Variants in FANCC observed in about 807,000 individuals in gnomAD.
FANCC encodes the protein FA complementation group C, also known as Fanconi anemia group C protein.
A neutral mutation model predicts 71.3 loss-of-function variants in FANCC; 55 were observed. The observed-to-expected ratio is 0.77, with a 90% confidence interval of 0.62 to 0.97. The LOEUF is 0.97. Ranked by LOEUF, FANCC falls within the 50% of genes least tolerant of loss-of-function variation. The pLI, the probability that FANCC is intolerant of heterozygous loss-of-function variation, is 0.00. For synonymous variants in FANCC, 275 were observed against 244.9 expected, an observed-to-expected ratio of 1.12 and a Z score of -1.15; for missense variants, 678 against 670.9, an observed-to-expected ratio of 1.01 and a Z score of -0.12.
At position 95,256,949 on chromosome 9, in the gene FANCC, A is replaced by G. The variant is rs1352967381; in HGVS notation, c.-78-7580T>C. ...CAAAAAAGACAAAGAAGGGCATTAC[A>G]TAATGGTAAAGGGATGAATACAACA... On this transcript the variant is annotated intron_variant, in intron 1 of 14. Coordinates refer to ENST00000289081, the MANE Select transcript of FANCC (RefSeq NM_000136.3). Among the ~76,000 whole-genome samples the G allele has an allele frequency of 2.6e-5, 4 of 152,216 alleles. No individual in the cohort carries two copies. The East Asian group carries it at 5.8e-4, about 22-fold the overall frequency.
At chr9:95,184,845 C>T (rs1002709543) in intron 4 of FANCC, among the ~76,000 whole-genome samples, 4 of 152,204 alleles carry the variant, frequency 2.6e-5, no homozygotes, top group African/African-American at 9.7e-5. Context: ...GAGTGGTAGA[C>T]GTGCAAATCC....
chr9:95,309,226 A>G (rs1211737602), intron 1 of FANCC, among the ~76,000 whole-genome samples: 3 of 152,204 alleles, frequency 2.0e-5, no homozygotes, highest in African/African-American at 7.2e-5. Context: ...TAAAAATTCT[A>G]ATGGTACTAG....
chr9:95,248,497 GAAGAAAAGCTT>G, intron 2 of FANCC, among the ~76,000 whole-genome samples: 1 of 152,202 alleles, frequency 6.6e-6, no homozygotes, highest in South Asian at 2.1e-4. Flanking sequence ...TTGATTAAGG[GAAGAAAAGCTT>G]AACACAAGAA....
At chr9:95,265,119 C>T (rs1323504642) in intron 1 of FANCC, among the ~76,000 whole-genome samples, 8 of 152,024 alleles carry the variant, frequency 5.3e-5, no homozygotes. Flanking sequence ...GGCTATTTCT[C>T]TGTTGAGTCA....
rs55939573 is a variant in FANCC at position 95,101,789 on chromosome 9, C to T, written c.1595G>A (p.Arg532Lys). The change falls in exon 15 of 15, where the codon AGA becomes AAA. Residue 532 changes from arginine to lysine, a missense_variant. Transcript: ENST00000289081. ...IIGFLDQTLY[R>K]WNRLGIESPR... Reference sequence around the variant, plus strand: ...GCTTTCAATGCCAAGACGATTCCATCTGTACAAGGTCTGGTCAAGAAAGCC... The same window carrying T: ...GCTTTCAATGCCAAGACGATTCCATTTGTACAAGGTCTGGTCAAGAAAGCC... The T allele has an allele frequency of 2.7e-5, 43 of 1,614,156 alleles. No homozygotes were observed. In the East Asian group the frequency reaches 6.0e-4, roughly 23 times the overall value.
At chr9:95,166,065 G>A (rs945757835) in intron 6 of FANCC, among the ~76,000 whole-genome samples, 3 of 151,902 alleles carry the variant, frequency 2.0e-5, no homozygotes. Context: ...GTATGGCTAT[G>A]CCTGCTCTAT....
At chr9:95,310,451 G>GTC (rs1009987090) in intron 1 of FANCC, among the ~76,000 whole-genome samples, 10 of 152,026 alleles carry the variant, frequency 6.6e-5, no homozygotes, top group South Asian at 4.2e-4. Flanking sequence ...CAGTTGATCT[G>GTC]TCTCTCCATC....
intron 1 of FANCC, among the ~76,000 whole-genome samples, chr9:95,255,438 A>G (rs1831604193): frequency 6.6e-6 from 1 of 152,168 alleles, no homozygotes; most frequent in Non-Finnish European, 1.5e-5. Flanking sequence ...GACCTCCAGC[A>G]AACTCCAGCA....
intron 1 of FANCC, among the ~76,000 whole-genome samples, chr9:95,259,117 A>G (rs1025414030): frequency 6.6e-6 from 1 of 152,254 alleles, no homozygotes; most frequent in Non-Finnish European, 1.5e-5. Flanking sequence ...CATACTGCCC[A>G]AAGTAATTTA....
intron 12 of FANCC, among the ~76,000 whole-genome samples, chr9:95,112,873 T>C (rs373175783): frequency 6.6e-6 from 1 of 152,252 alleles, no homozygotes; most frequent in Admixed American, 6.5e-5. Context: ...CAGCACCACA[T>C]GCGCCCTTTC....
At chr9:95,110,588 T>C (rs560897078) in intron 13 of FANCC, 300 of 1,036,174 alleles carry the variant, frequency 2.9e-4, no homozygotes, top group Middle Eastern at 1.8e-3. Flanking sequence ...TCTAAAACTA[T>C]TTTTCTTTCC....
At chr9:95,249,803 C>A (rs1297096778) in intron 1 of FANCC, among the ~76,000 whole-genome samples, 1 of 152,148 alleles carries the variant, frequency 6.6e-6, no homozygotes, top group Admixed American at 6.6e-5. Flanking sequence ...ATATGAATTT[C>A]TGGCTTCTCA....
chr9:95,316,410 T>C (rs139784298), intron 1 of FANCC, among the ~76,000 whole-genome samples: 197 of 152,342 alleles, frequency 1.3e-3, no homozygotes, highest in Non-Finnish European at 2.2e-3. Context: ...AATTCTACTG[T>C]TTGTAACAAC....
intron 1 of FANCC, among the ~76,000 whole-genome samples, chr9:95,270,579 G>A (rs1832661123): frequency 6.6e-6 from 1 of 152,254 alleles, no homozygotes; most frequent in Non-Finnish European, 1.5e-5. Context: ...AATGCCGCAT[G>A]GCAAGGCAAG....
chr9:95,231,156 C>T (rs1385994996), intron 4 of FANCC, among the ~76,000 whole-genome samples: 1 of 152,180 alleles, frequency 6.6e-6, no homozygotes, highest in Admixed American at 6.5e-5. Flanking sequence ...CTTTGAATTC[C>T]ACTGTCATAC....
In FANCC at chr9:95,143,817, C is replaced by T. The variant is rs138226974; in HGVS notation, c.686+6106G>A. Among the ~76,000 whole-genome samples the T allele has an allele frequency of 3.6e-3, 550 of 152,310 alleles. 5 individuals are homozygous for T. Among genetic ancestry groups the T allele is most frequent in the African/African-American group, 0.012 (517 of 41,570 alleles). On this transcript the variant is annotated intron_variant, in intron 7 of 14. Coordinates refer to ENST00000289081, the MANE Select transcript of FANCC (RefSeq NM_000136.3). ...AGGAAGGTTTTATGCCGTCTTTAGC[C>T]TGCAGGTGCCTATGACGGCAGCCCC...
chr9:95,134,176 G>A (rs1827302414), intron 8 of FANCC, among the ~76,000 whole-genome samples: 1 of 152,180 alleles, frequency 6.6e-6, no homozygotes, highest in Admixed American at 6.5e-5. Flanking sequence ...AGGGTGAAAG[G>A]GGCCATGAAA....
At chr9:95,197,017 T>C (rs1827498762) in intron 4 of FANCC, among the ~76,000 whole-genome samples, 1 of 152,210 alleles carries the variant, frequency 6.6e-6, no homozygotes, top group Non-Finnish European at 1.5e-5. Flanking sequence ...TTTTCATATT[T>C]AGTCTGAGTT....
chr9:95,301,845 A>C (rs1225411958), intron 1 of FANCC, among the ~76,000 whole-genome samples: 30 of 151,540 alleles, frequency 2.0e-4, no homozygotes, highest in Admixed American at 2.0e-3. Flanking sequence ...TGGGAGGCCG[A>C]GGCAGGTGAA....
Sources: allele counts gnomAD v4.1 joint callset (sites outside exome capture counted in the v4.1 genomes callset), GRCh38; gene constraint gnomAD v4.1.1; transcripts MANE v1.5; gene names NCBI Gene and HGNC (gene_info 2026-07-23, HGNC 2026-07-21).